Variants in PCNX4 observed in about 807,000 individuals in gnomAD.
PCNX4 encodes pecanex 4.
In PCNX4, 103 loss-of-function variants were observed where a neutral mutation model predicts 107.2. The ratio of observed to expected loss-of-function variants is 0.96; its 90% confidence interval spans 0.82 to 1.13. The LOEUF is 1.13. Among genes scored for constraint, PCNX4 ranks in the 50% most tolerant of loss-of-function variants. The pLI is 0.00. For synonymous variants in PCNX4, 541 were observed against 481.7 expected (o/e 1.12, Z -1.61); for missense variants, 1,528 against 1,379.4 (o/e 1.11, Z -1.71).
chr14:60,113,381 A>G (rs915186788), intron 2 of PCNX4, among the ~76,000 whole-genome samples: 9 of 151,944 alleles, frequency 5.9e-5, no homozygotes, highest in Non-Finnish European at 8.8e-5. Flanking sequence ...TACTACTACT[A>G]TTTTGAAACA....
In PCNX4 at chr14:60,141,086, T is replaced by C. The variant is rs1896301422; in HGVS notation, c.*6865T>C. The C allele has an allele frequency of 6.6e-6, 1 of 152,232 alleles. No individual in the cohort carries two copies. Among genetic ancestry groups the C allele is most frequent in the African/African-American group, 2.4e-5 (1 of 41,456 alleles). 9.4% of individuals were successfully genotyped at this position (152,232 alleles called of 1,614,324 possible). A position where few individuals can be genotyped will look rare whatever the true frequency, so the allele number is the denominator to read the frequency against. On this transcript the variant is annotated 3_prime_UTR_variant, in exon 11 of 11. Coordinates refer to ENST00000406854, the MANE Select transcript of PCNX4 (RefSeq NM_001330177.2). ...CTGAAAGAGTCTGCTTTTACTCTAT[T>C]CTTGTGGTAGACAAAGTCTCTCCAA...
Position 60,118,648 on chromosome 14 carries a change from G to T in PCNX4, c.1898G>T (p.Arg633Met). 6.2e-7 allele frequency: 1 copy of T among 1,612,752 alleles called. No homozygotes were observed. Among genetic ancestry groups the T allele is most frequent in the Non-Finnish European group, 8.5e-7 (1 of 1,179,152 alleles). ...GTGTACTACTACCAAATGGTGCCCA[G>T]GTTGACTGCTGTACTGCAGACTGCA... ...DTVYYYQMVPRLTAVLQTAMA... is the reference protein window; with the variant it reads ...DTVYYYQMVPMLTAVLQTAMA... Residue 633 changes from arginine to methionine, a missense_variant, in exon 7 of 11, where the codon AGG (arginine) becomes ATG (methionine). Transcript: ENST00000406854.
chr14:60,125,222 A>T lies in PCNX4; in HGVS notation c.3051A>T (p.Glu1017Asp). 1 of 1,588,602 alleles carries T rather than the reference A, an allele frequency of 6.3e-7. No individual in the cohort carries two copies. The highest frequency in any genetic ancestry group is 8.5e-7 in the Non-Finnish European group (1 of 1,169,840). Residue 1017 changes from glutamate (E) to aspartate (D), a missense_variant, in exon 9 of 11, where the codon GAA (glutamate) becomes GAT (aspartate). Coordinates refer to ENST00000406854, the MANE Select transcript of PCNX4 (RefSeq NM_001330177.2). ...TGGACTGGCTCACAGAAAAGCCAGA[A>T]CTGTTTCAACTAGCACTGAAAGCAT... ...VALDWLTEKP[E>D]LFQLALKAFR...
At position 60,115,046 on chromosome 14, in the gene PCNX4, G is replaced by C; in HGVS notation, c.942G>C (p.Val314=). ...ASYFIPSTVG[V]VLFMTGFGFL... ...ATTTCATTCCAAGCACTGTTGGTGT[G>C]GTTCTTTTCATGACTGGATTTGGTT... The change falls in exon 4 of 11, where the codon GTG becomes GTC. Residue 314 remains valine (V), a synonymous_variant. Transcript: ENST00000406854. The C allele has an allele frequency of 1.9e-6, 3 of 1,613,558 alleles. No individual in the cohort carries two copies. The highest frequency in any genetic ancestry group is 2.5e-6 in the Non-Finnish European group (3 of 1,179,748).
intron 1 of PCNX4, among the ~76,000 whole-genome samples, chr14:60,105,400 C>G (rs1019560186): frequency 6.6e-6 from 1 of 152,118 alleles, no homozygotes; most frequent in African/African-American, 2.4e-5. Context: ...GTTGACAGTT[C>G]TGAAGGACAT....
Position 60,138,790 on chromosome 14 carries a change from T to A in PCNX4, c.*4569T>A, listed in dbSNP as rs1156428806. On this transcript the variant is annotated 3_prime_UTR_variant, in exon 11 of 11. Coordinates refer to ENST00000406854, the MANE Select transcript of PCNX4 (RefSeq NM_001330177.2). ...AGATAAAGGTAGGAATGAACAGTAA[T>A]TTAAAAATATATATATACAGTTTAA... 6.6e-6 allele frequency: 1 copy of A among 152,116 alleles called. No homozygotes were observed. The highest frequency in any genetic ancestry group is 1.5e-5 in the Non-Finnish European group (1 of 68,010). The allele number at this position is 152,116 out of a possible 1,614,324, so 9.4% of individuals were successfully genotyped here. A position where few individuals can be genotyped will look rare whatever the true frequency, so the allele number is the denominator to read the frequency against.
chr14:60,108,338 AC>A lies in PCNX4; in HGVS notation c.689+13del. The A allele has an allele frequency of 6.4e-7, 1 of 1,563,452 alleles. No individual in the cohort carries two copies. The highest frequency in any genetic ancestry group is 8.7e-7 in the Non-Finnish European group (1 of 1,151,764). Reference sequence around the variant, plus strand: ...GGATCTGGCACACAGGTAAAAACCTACCAAATACTTTGTAACTAACTTTGTT... The same window carrying A: ...GGATCTGGCACACAGGTAAAAACCTACAAATACTTTGTAACTAACTTTGTT... On this transcript the variant is annotated intron_variant, in intron 2 of 10. Transcript: ENST00000406854.
intron 9 of PCNX4, among the ~76,000 whole-genome samples, 178 bp from the exon 10 acceptor site, chr14:60,125,459 G>GTT (rs549711990): frequency 6.6e-6 from 1 of 151,980 alleles, no homozygotes; most frequent in Non-Finnish European, 1.5e-5. Context: ...GGAAAACCTG[G>GTT]TTTTTTTATG....
chr14:60,096,250 C>G lies in PCNX4; in HGVS notation c.-54+3831C>G, dbSNP rs552814538. On this transcript the variant is annotated intron_variant, in intron 1 of 10. Transcript: ENST00000406854. ...ATGATGGTGCAGGTCCTCCCTTGTG[C>G]TGCCGTGAGTCTATGTAAAGCCATA... Among the ~76,000 whole-genome samples, 4 of 152,344 alleles carry G rather than the reference C, an allele frequency of 2.6e-5. No individual in the cohort carries two copies. The South Asian group carries it at 8.3e-4, about 32-fold the overall frequency.
At position 60,124,692 on chromosome 14, in the gene PCNX4, C is replaced by A; in HGVS notation, c.2521C>A (p.His841Asn). 1 of 1,613,230 alleles carries A rather than the reference C, an allele frequency of 6.2e-7. No individual in the cohort carries two copies. Among genetic ancestry groups the A allele is most frequent in the Non-Finnish European group, 8.5e-7 (1 of 1,179,716 alleles). ...TATCAAAAAAGTAATAGAAGAAAAA[C>A]ATCAGTTGAAAGATTTGCCAGGTAC... ...PTIKKVIEEK[H>N]QLKDLPGTNL... is the part of the protein sequence containing the mutation. Residue 841 changes from histidine (H) to asparagine (N), a missense_variant, in exon 9 of 11, where the codon CAT (histidine) becomes AAT (asparagine). Transcript: ENST00000406854.
At chr14:60,102,082 G>C (rs148550132) in intron 1 of PCNX4, among the ~76,000 whole-genome samples, 12 of 152,300 alleles carry the variant, frequency 7.9e-5, no homozygotes, top group African/African-American at 2.6e-4. Flanking sequence ...AGGGAAAATA[G>C]GGAGTTGCTA....
rs1033018232 is a variant in PCNX4 at position 60,139,935 on chromosome 14, T to C, written c.*5714T>C. ...AAAGCCATGCTTAGAAGGAAATTTA[T>C]AGTCTTAAACGCACATTAAAAAAAA... On this transcript the variant is annotated 3_prime_UTR_variant, in exon 11 of 11. Coordinates refer to ENST00000406854, the MANE Select transcript of PCNX4 (RefSeq NM_001330177.2). The C allele has an allele frequency of 1.0e-4, 15 of 148,368 alleles. No homozygotes were observed. Among genetic ancestry groups the C allele is most frequent in the African/African-American group, 3.9e-4 (15 of 38,934 alleles). The allele number at this position is 148,368 out of a possible 1,614,324, so 9.2% of individuals were successfully genotyped here.
intron 10 of PCNX4, 141 bp downstream of exon 10, chr14:60,125,964 T>C: frequency 1.6e-6 from 1 of 633,256 alleles, no homozygotes; most frequent in Non-Finnish European, 2.4e-6. Flanking sequence ...TTTGTAATCA[T>C]GACTTTTTGG....
chr14:60,139,563 G>A lies in PCNX4; in HGVS notation c.*5342G>A, dbSNP rs1405512624. On this transcript the variant is annotated 3_prime_UTR_variant, in exon 11 of 11. Transcript: ENST00000406854. ...CAGAACAGCAGCCATGCAAAAATAC[G>A]TAAATATGTAAAGATTGGAATAATA... is the stretch of plus-strand genomic sequence containing the variant. 9.2e-5 allele frequency: 14 copies of A among 151,994 alleles called. No homozygotes were observed. The highest frequency in any genetic ancestry group is 9.2e-4 in the Admixed American group (14 of 15,258). The allele number at this position is 151,994 out of a possible 1,614,324, so 9.4% of individuals were successfully genotyped here.
chr14:60,111,118 C>A (rs1180566066), intron 2 of PCNX4: 3 of 162,138 alleles, frequency 1.9e-5, no homozygotes, highest in Non-Finnish European at 4.4e-5. Context: ...ACTTGTAGCC[C>A]CCAGAACTGT....
intron 8 of PCNX4, among the ~76,000 whole-genome samples, chr14:60,122,483 C>T (rs920268747): frequency 2.6e-5 from 4 of 152,038 alleles, no homozygotes; most frequent in African/African-American, 4.8e-5. Context: ...CCTCCCTCAC[C>T]ACTTTCAGGT....
chr14:60,133,295 A>G (rs1896187365), intron 10 of PCNX4, among the ~76,000 whole-genome samples: 1 of 152,238 alleles, frequency 6.6e-6, no homozygotes, highest in African/African-American at 2.4e-5. Context: ...TACAACATAG[A>G]TGAACCTTGA....
chr14:60,133,535 CTA>C, intron 10 of PCNX4: 6 of 386,514 alleles, frequency 1.6e-5, no homozygotes, highest in South Asian at 1.2e-4. Flanking sequence ...GTATCTGTGA[CTA>C]TAATAAAAGC....
chr14:60,094,727 G>A (rs1895387678), intron 1 of PCNX4, among the ~76,000 whole-genome samples: 1 of 148,438 alleles, frequency 6.7e-6, no homozygotes, highest in South Asian at 2.1e-4. Flanking sequence ...CCCCACCTCT[G>A]CAGGTTTTTG....
Sources: allele counts gnomAD v4.1 joint callset (sites outside exome capture counted in the v4.1 genomes callset), GRCh38; gene constraint gnomAD v4.1.1; transcripts MANE v1.5; gene names NCBI Gene and HGNC (gene_info 2026-07-23, HGNC 2026-07-21).